TRAPPC8: variants seen among roughly 807,000 people sequenced by gnomAD.
The protein encoded by TRAPPC8 is trafficking protein particle complex subunit 8.
Under a neutral mutation model 174.3 loss-of-function variants are expected in TRAPPC8, and 54 were observed. That is an observed-to-expected ratio of 0.31 (90% CI 0.25 to 0.39). TRAPPC8 has a LOEUF of 0.39. Ranked by LOEUF, TRAPPC8 falls within the 10% of genes least tolerant of loss-of-function variation. TRAPPC8 has a pLI of 1.00. For synonymous variants in TRAPPC8, 630 were observed against 579.9 expected (o/e 1.09, Z -1.24); for missense variants, 1,531 against 1,699.1 (o/e 0.90, Z 1.74).
chr18:31,876,358 C>T (rs1467540035), intron 12 of TRAPPC8, among the ~76,000 whole-genome samples: 1 of 151,568 alleles, frequency 6.6e-6, no homozygotes, highest in African/African-American at 2.4e-5. Flanking sequence ...GGCATGGTGG[C>T]GGGCGCCTGA....
At chr18:31,905,701 C>T (rs964486535) in intron 9 of TRAPPC8, among the ~76,000 whole-genome samples, 2 of 151,978 alleles carry the variant, frequency 1.3e-5, no homozygotes, top group Admixed American at 1.3e-4. Flanking sequence ...TCTCAGAAGC[C>T]CATTATTTTT....
intron 12 of TRAPPC8, among the ~76,000 whole-genome samples, chr18:31,879,827 T>G (rs937542743): frequency 6.6e-5 from 10 of 151,654 alleles, no homozygotes; most frequent in African/African-American, 2.2e-4. Flanking sequence ...CCTCAGAGAA[T>G]ACTATGAACC....
At chr18:31,861,882 T>C (rs2034339859) in intron 19 of TRAPPC8, among the ~76,000 whole-genome samples, 1 of 113,536 alleles carries the variant, frequency 8.8e-6, no homozygotes, top group Non-Finnish European at 1.6e-5. Flanking sequence ...TCAGAGATCA[T>C]ACCAAGCACT....
At chr18:31,831,277 G>C (rs1189063890) in intron 28 of TRAPPC8, among the ~76,000 whole-genome samples, 1 of 152,152 alleles carries the variant, frequency 6.6e-6, no homozygotes. Context: ...CTTGAACCTG[G>C]GAGGCGGAGG....
rs761534548 is a variant in TRAPPC8 at position 31,852,611 on chromosome 18, T to C, written c.3486A>G (p.Arg1162=). 15 of 1,614,052 alleles carry C rather than the reference T, an allele frequency of 9.3e-6. No individual in the cohort carries two copies. Among genetic ancestry groups the C allele is most frequent in the Non-Finnish European group, 1.1e-5 (13 of 1,179,990 alleles). Residue 1162 remains arginine (R), a synonymous_variant, in exon 23 of 29, where the codon AGA becomes AGG. Coordinates refer to ENST00000283351, the MANE Select transcript of TRAPPC8 (RefSeq NM_014939.5). ...EKGKFCFKAI[R]CEKEEAATQS... ...TGAATTTACCTTCTTCTTTCTCACATCTTATTGCCTTAAAGCAAAACTTTC... is the reference window on the plus strand; with the variant it reads ...TGAATTTACCTTCTTCTTTCTCACACCTTATTGCCTTAAAGCAAAACTTTC...
At chr18:31,931,594 T>G (rs960412512) in intron 1 of TRAPPC8, 71 bp from the exon 2 acceptor site, 1 of 1,216,898 alleles carries the variant, frequency 8.2e-7, no homozygotes, top group Non-Finnish European at 1.1e-6. Context: ...ATTGGGCTGA[T>G]GGTTTACAAA....
At chr18:31,915,521 G>A (rs1161481666) in intron 4 of TRAPPC8, among the ~76,000 whole-genome samples, 4 of 151,394 alleles carry the variant, frequency 2.6e-5, no homozygotes, top group African/African-American at 4.9e-5. Flanking sequence ...CAGCACCTTG[G>A]GAGGCCGAGG....
At chr18:31,893,380 G>GGT (rs10660521) in intron 11 of TRAPPC8, among the ~76,000 whole-genome samples, 25,849 of 149,624 alleles carry the variant, frequency 0.17, 2,296 homozygotes, top group Middle Eastern at 0.22. Flanking sequence ...TTTGCTTCTA[G>GGT]GTGTGTGTGT....
At chr18:31,916,644 T>C (rs1352884209) in intron 3 of TRAPPC8, among the ~76,000 whole-genome samples, 198 bp from the exon 4 acceptor site, 1 of 152,170 alleles carries the variant, frequency 6.6e-6, no homozygotes, top group South Asian at 2.1e-4. Flanking sequence ...GTGATTCTCC[T>C]GCCTCAGCCT....
chr18:31,864,798 T>C lies in TRAPPC8; in HGVS notation c.2591-17A>G. The C allele has an allele frequency of 6.3e-7, 1 of 1,595,502 alleles. No homozygotes were observed. The highest frequency in any genetic ancestry group is 8.5e-7 in the Non-Finnish European group (1 of 1,172,380). The stretch of plus-strand genomic sequence containing the variant: ...AATATTTTCCTGAAATAAAAAACAA[T>C]CAATGCCCTAAAATAATTTGGTATG... On this transcript the variant is annotated splice_polypyrimidine_tract_variant and intron_variant, in intron 18 of 28. Transcript: ENST00000283351.
At chr18:31,866,446 T>C (rs901966742) in intron 18 of TRAPPC8, among the ~76,000 whole-genome samples, 1 of 152,070 alleles carries the variant, frequency 6.6e-6, no homozygotes, top group African/African-American at 2.4e-5. Context: ...TAATATCCAG[T>C]GATGTGAAAA....
chr18:31,846,793 G>C lies in TRAPPC8; in HGVS notation c.3760C>G (p.Gln1254Glu), dbSNP rs996130457. 1.7e-5 allele frequency: 28 copies of C among 1,612,308 alleles called. No homozygotes were observed. The highest frequency in any genetic ancestry group is 2.4e-5 in the Non-Finnish European group (28 of 1,178,968). The stretch of plus-strand genomic sequence containing the variant: ...TGATGTTGACCTTCCAAAATAAGCT[G>C]TTTACTGTCTTCCACAACGTATGCC... ...WKAYVVEDSK[Q>E]LILEGQHHVI... The change falls in exon 26 of 29, where the codon CAG becomes GAG. Residue 1254 changes from glutamine to glutamate, a missense_variant. Gln to Glu is a conservative substitution (Grantham distance 29). Transcript: ENST00000283351.
rs545058583 is a variant in TRAPPC8 at position 31,834,682 on chromosome 18, A to C, written c.3984-2509T>G. On this transcript the variant is annotated intron_variant, in intron 27 of 28. Coordinates refer to ENST00000283351, the MANE Select transcript of TRAPPC8 (RefSeq NM_014939.5). ...TGAGAATGGTGACTAGCACATGTTC[A>C]AAAGCTCCATAAACATTATTTAATA... 1.9e-3 allele frequency among the ~76,000 whole-genome samples: 287 copies of C among 152,342 alleles called. 1 individual carries two copies. The highest frequency in any genetic ancestry group is 5.3e-3 in the Admixed American group (81 of 15,304).
chr18:31,893,554 A>T (rs2145378385), intron 11 of TRAPPC8, among the ~76,000 whole-genome samples: 1 of 152,308 alleles, frequency 6.6e-6, no homozygotes. Flanking sequence ...TGAGTAAGTT[A>T]ACTTTCTCCA....
At chr18:31,905,764 A>G (rs989250979) in intron 9 of TRAPPC8, among the ~76,000 whole-genome samples, 1 of 152,188 alleles carries the variant, frequency 6.6e-6, no homozygotes, top group African/African-American at 2.4e-5. Flanking sequence ...ATCATCTAAG[A>G]ATAAATATGC....
At chr18:31,898,884 T>A (rs2036292181) in intron 10 of TRAPPC8, among the ~76,000 whole-genome samples, 2 of 152,208 alleles carry the variant, frequency 1.3e-5, no homozygotes, top group South Asian at 4.1e-4. Flanking sequence ...CCTTATAGAA[T>A]CAAAAATATC....
chr18:31,909,437 T>A (rs1439820057), intron 6 of TRAPPC8: 1 of 462,978 alleles, frequency 2.2e-6, no homozygotes. Context: ...CCTTGCTTTC[T>A]ACAAAATATT....
chr18:31,931,427 A>G lies in TRAPPC8; in HGVS notation c.254T>C (p.Ile85Thr), dbSNP rs2037840819. The G allele has an allele frequency of 6.2e-7, 1 of 1,613,574 alleles. No homozygotes were observed. Among genetic ancestry groups the G allele is most frequent in the Non-Finnish European group, 8.5e-7 (1 of 1,179,758 alleles). ...AACAACATCATTCAAAAGCTTCCGG[A>G]TGGCTCCAGGCTGAGGTGGCTGGGT... is the stretch of plus-strand genomic sequence containing the variant. ...IVTQPPQPGA[I>T]RKLLNDVVSG... is the part of the protein sequence containing the mutation. Residue 85 changes from isoleucine to threonine, a missense_variant, in exon 2 of 29, where the codon ATC becomes ACC. Physicochemically the swap from Ile to Thr is moderately conservative, Grantham distance 89. Transcript: ENST00000283351.
At chr18:31,865,936 A>C (rs2034565757) in intron 18 of TRAPPC8, among the ~76,000 whole-genome samples, 1 of 151,864 alleles carries the variant, frequency 6.6e-6, no homozygotes, top group African/African-American at 2.4e-5. Flanking sequence ...TTCTTTAGTA[A>C]AATGTTTTTA....
Sources: allele counts gnomAD v4.1 joint callset (sites outside exome capture counted in the v4.1 genomes callset), GRCh38; gene constraint gnomAD v4.1.1; transcripts MANE v1.5; gene names NCBI Gene and HGNC (gene_info 2026-07-23, HGNC 2026-07-21).